TMEM131L: variants seen among roughly 807,000 people sequenced by gnomAD.
TMEM131L encodes the protein transmembrane 131 like, also known as transmembrane protein 131-like.
Under a neutral mutation model 192.2 loss-of-function variants are expected in TMEM131L, and 54 were observed. That is an observed-to-expected ratio of 0.28 (90% CI 0.23 to 0.35). The LOEUF (loss-of-function observed/expected upper bound fraction) is 0.35, where lower values mean the gene tolerates loss of function less well. TMEM131L is among the 10% of genes least tolerant of loss of function. The probability of loss-of-function intolerance (pLI) is 1.00; values close to 1 mark genes in which losing one functional copy is unlikely to be tolerated. For missense variants in TMEM131L, 1,888 were observed against 1,972.9 expected, an observed-to-expected ratio of 0.96 and a Z score of 0.82; for synonymous variants, 701 against 704.9, an observed-to-expected ratio of 0.99 and a Z score of 0.09.
chr4:153,553,374 A>G (rs1258156679), intron 4 of TMEM131L, among the ~76,000 whole-genome samples: 1 of 151,866 alleles, frequency 6.6e-6, no homozygotes, highest in Non-Finnish European at 1.5e-5. Flanking sequence ...AAATCTTCTG[A>G]TTTCTAAGAG....
intron 3 of TMEM131L, among the ~76,000 whole-genome samples, chr4:153,485,705 T>C (rs766322138): frequency 1.1e-4 from 16 of 152,224 alleles, no homozygotes; most frequent in Non-Finnish European, 2.2e-4. Flanking sequence ...GTGTATGTAG[T>C]ATGCATTTTT....
Position 153,635,480 on chromosome 4 carries a change from C to T in TMEM131L, c.4466C>T (p.Thr1489Ile), listed in dbSNP as rs772431621. 1 of 1,613,912 alleles carries T rather than the reference C, an allele frequency of 6.2e-7. No individual in the cohort carries two copies. The highest frequency in any genetic ancestry group is 1.1e-5 in the South Asian group (1 of 91,082). ...NGFPCPADVQ[T>I]DFIDHNSQST... is the part of the protein sequence containing the mutation. The stretch of plus-strand genomic sequence containing the variant: ...TTCCCCTGTCCTGCAGATGTTCAGA[C>T]AGACTTTATTGATCACAACTCTCAG... Residue 1489 changes from threonine (T) to isoleucine (I), a missense_variant, in exon 34 of 35, where the codon ACA (threonine) becomes ATA (isoleucine). Physicochemically the swap from Thr to Ile is moderately conservative, Grantham distance 89. Coordinates refer to ENST00000409959, the MANE Select transcript of TMEM131L (RefSeq NM_001131007.2).
rs11931730 is a variant in TMEM131L at position 153,584,929 on chromosome 4, G to A, written c.1155G>A (p.Gln385=). ...CATGCCTCTTCTCTTCTGTGGCTCA[G>A]GGGTAGGTTACTTCCACTTTCCCTG... is the stretch of plus-strand genomic sequence containing the variant. The part of the protein sequence containing the change: ...LKACLFSSVA[Q]GYFRMDSSAT... Residue 385 remains glutamine (Q), a splice_region_variant and synonymous_variant, in exon 12 of 35, where the codon CAG becomes CAA. Coordinates refer to ENST00000409959, the MANE Select transcript of TMEM131L (RefSeq NM_001131007.2). The A allele has an allele frequency of 0.061, 97,859 of 1,609,798 alleles. 3,532 individuals carry two copies. Among genetic ancestry groups the A allele is most frequent in the Non-Finnish European group, 0.073 (86,185 of 1,176,142 alleles).
chr4:153,566,518 AGTGTGTGTGT>A (rs35949558), intron 7 of TMEM131L, among the ~76,000 whole-genome samples: 3,934 of 145,844 alleles, frequency 0.027, 146 homozygotes, highest in African/African-American at 0.089. Context: ...TGTGAGTGTG[AGTGTGTGTGT>A]GTGTGTGTGT....
At chr4:153,607,687 C>T (rs991602921) in intron 25 of TMEM131L, among the ~76,000 whole-genome samples, 3 of 152,188 alleles carry the variant, frequency 2.0e-5, no homozygotes, top group Admixed American at 2.0e-4. Context: ...CCTGGAGGCA[C>T]CTGAATAATC....
intron 26 of TMEM131L, 26 bp downstream of exon 26, chr4:153,612,426 A>G (rs779654502): frequency 6.4e-7 from 1 of 1,557,738 alleles, no homozygotes; most frequent in Middle Eastern, 1.7e-4. Context: ...CTTGCCTATT[A>G]AAAACAAAAT....
chr4:153,539,807 T>TA (rs1475185979), intron 3 of TMEM131L, among the ~76,000 whole-genome samples: 308 of 126,786 alleles, frequency 2.4e-3, no homozygotes, highest in African/African-American at 0.011. Context: ...TATTGGGACT[T>TA]TAAAAAAAAA....
intron 17 of TMEM131L, among the ~76,000 whole-genome samples, chr4:153,592,192 T>C (rs1010980758): frequency 4.7e-5 from 7 of 150,334 alleles, no homozygotes; most frequent in Non-Finnish European, 7.4e-5. Flanking sequence ...GAGATCCCAC[T>C]GTCATACTTT....
intron 2 of TMEM131L, among the ~76,000 whole-genome samples, chr4:153,469,587 G>A (rs982100833): frequency 6.6e-6 from 1 of 152,122 alleles, no homozygotes; most frequent in African/African-American, 2.4e-5. Flanking sequence ...CAGAGGCTAA[G>A]ATTTGTCAGT....
At chr4:153,504,973 G>A (rs1408798163) in intron 3 of TMEM131L, among the ~76,000 whole-genome samples, 1 of 152,172 alleles carries the variant, frequency 6.6e-6, no homozygotes, top group Non-Finnish European at 1.5e-5. Context: ...TTGGCTAGGA[G>A]CGAACTGTGG....
At chr4:153,475,414 C>T (rs6834956) in intron 3 of TMEM131L, among the ~76,000 whole-genome samples, 12,964 of 152,130 alleles carry the variant, frequency 0.085, 1,554 homozygotes, top group African/African-American at 0.27. Context: ...TCAGTACTTA[C>T]ATTTAAAAAA....
In TMEM131L at chr4:153,602,144, C is replaced by T. The variant is rs1264849130; in HGVS notation, c.2267-8C>T. The T allele has an allele frequency of 2.7e-6, 4 of 1,475,886 alleles. No individual in the cohort carries two copies. The highest frequency in any genetic ancestry group is 2.8e-6 in the Non-Finnish European group (3 of 1,088,666). The allele number at this position is 1,475,886 out of a possible 1,614,324, so 91.4% of individuals were successfully genotyped here. On this transcript the variant is annotated splice_polypyrimidine_tract_variant and splice_region_variant and intron_variant, in intron 21 of 34. Transcript: ENST00000409959. ...ATATACTAAATATCTTTTTTTGGTT[C>T]CCATTAGAACTGAAAGACAGTAAGC...
Position 153,588,975 on chromosome 4 carries a change from A to T in TMEM131L, c.1638A>T (p.Arg546Ser), listed in dbSNP as rs778329919. The change falls in exon 16 of 35, where the codon AGA becomes AGT. Residue 546 changes from arginine to serine, a missense_variant. By Grantham distance (110) the Arg-to-Ser change is moderately radical. Coordinates refer to ENST00000409959, the MANE Select transcript of TMEM131L (RefSeq NM_001131007.2). ...AACTTGCAAATAAATTGTATGAAAG[A>T]TGGAAGAAATATAAAAATGGTGACG... is the stretch of plus-strand genomic sequence containing the variant. ...DSELANKLYE[R>S]WKKYKNGDVC... 2 of 1,597,766 alleles carry T rather than the reference A, an allele frequency of 1.3e-6. No homozygotes were observed. Among genetic ancestry groups the T allele is most frequent in the African/African-American group, 2.7e-5 (2 of 74,630 alleles).
At position 153,627,697 on chromosome 4, in the gene TMEM131L, A is replaced by G. The variant is rs761821325; in HGVS notation, c.4207+10A>G. 3.7e-6 allele frequency: 6 copies of G among 1,605,518 alleles called. No homozygotes were observed. Among genetic ancestry groups the G allele is most frequent in the Non-Finnish European group, 5.1e-6 (6 of 1,172,234 alleles). On this transcript the variant is annotated intron_variant, in intron 31 of 34. Transcript: ENST00000409959. ...GTTGAAGAAGATAAAGGTGAGATGC[A>G]TTCGTCTTGCTGCAGACATCAGCCA...
intron 7 of TMEM131L, among the ~76,000 whole-genome samples, chr4:153,573,256 A>G (rs937217951): frequency 1.3e-5 from 2 of 152,246 alleles, no homozygotes; most frequent in Non-Finnish European, 2.9e-5. Flanking sequence ...TTTATAGCCT[A>G]ATTCTCGCCA....
chr4:153,472,245 A>T (rs773874221), intron 2 of TMEM131L, among the ~76,000 whole-genome samples: 3 of 152,226 alleles, frequency 2.0e-5, no homozygotes, highest in Non-Finnish European at 2.9e-5. Context: ...CAGTCCTAGG[A>T]GAGTAAGTGT....
At chr4:153,499,403 T>G (rs1002167296) in intron 3 of TMEM131L, among the ~76,000 whole-genome samples, 1 of 152,082 alleles carries the variant, frequency 6.6e-6, no homozygotes, top group Non-Finnish European at 1.5e-5. Context: ...TTCCACTTTC[T>G]GCCAGTGATG....
chr4:153,632,539 C>G, intron 31 of TMEM131L, 179 bp from the exon 32 acceptor site: 1 of 643,894 alleles, frequency 1.6e-6, no homozygotes, highest in Non-Finnish European at 2.6e-6. Flanking sequence ...TCTGAAGAAA[C>G]GGTCAAAACA....
intron 3 of TMEM131L, among the ~76,000 whole-genome samples, chr4:153,515,912 ATT>A (rs58389534): frequency 1.2e-4 from 16 of 132,664 alleles, no homozygotes; most frequent in Non-Finnish European, 1.3e-4. Context: ...TCCTCTGCCC[ATT>A]TTTTTTTTTT....
Sources: allele counts gnomAD v4.1 joint callset (sites outside exome capture counted in the v4.1 genomes callset), GRCh38; gene constraint gnomAD v4.1.1; transcripts MANE v1.5; gene names NCBI Gene and HGNC (gene_info 2026-07-23, HGNC 2026-07-21).